Variants in TDRD9 observed in about 807,000 individuals in gnomAD.
TDRD9 encodes tudor domain containing 9, also known as ATP-dependent RNA helicase TDRD9.
TDRD9 carries 124 observed loss-of-function variants against 172.6 expected under a neutral mutation model. The ratio of observed to expected loss-of-function variants is 0.72; its 90% CI spans 0.62 to 0.83. TDRD9 has a LOEUF of 0.83. Among genes scored for constraint, TDRD9 ranks in the 40% least tolerant of loss-of-function variants. The probability of loss-of-function intolerance (pLI) is 0.00; values close to 1 mark genes in which losing one functional copy is unlikely to be tolerated. For synonymous variants in TDRD9, 619 were observed against 617.1 expected, an observed-to-expected ratio of 1.00 and a Z score of -0.05; for missense variants, 1,479 against 1,714.1, an observed-to-expected ratio of 0.86 and a Z score of 2.42.
At chr14:103,985,424 C>T (rs554336357) in intron 7 of TDRD9, among the ~76,000 whole-genome samples, 2 of 152,148 alleles carry the variant, frequency 1.3e-5, no homozygotes, top group African/African-American at 4.8e-5. Flanking sequence ...CTCTGTCTTC[C>T]ACCATGATTG....
chr14:103,992,640 A>G (rs147789261), intron 9 of TDRD9, among the ~76,000 whole-genome samples: 6 of 152,140 alleles, frequency 3.9e-5, no homozygotes, highest in Non-Finnish European at 7.4e-5. Flanking sequence ...AACACCTAAC[A>G]CGGACGGGCG....
rs375061730 is a variant in TDRD9 at position 104,021,699 on chromosome 14, A to G, written c.2433-458A>G. ...GACTCCATCTCAAAAAAATAAATAA[A>G]TAAATAAAAATAAATTTAATGCTTT... On this transcript the variant is annotated intron_variant, in intron 23 of 35. Coordinates refer to ENST00000409874, the MANE Select transcript of TDRD9 (RefSeq NM_153046.3). Among the ~76,000 whole-genome samples the G allele has an allele frequency of 5.3e-5, 8 of 152,094 alleles. No homozygotes were observed. The East Asian group carries it at 7.7e-4, about 15-fold the overall frequency.
chr14:104,021,256 A>G (rs1170330020), intron 23 of TDRD9, among the ~76,000 whole-genome samples: 1 of 152,180 alleles, frequency 6.6e-6, no homozygotes, highest in African/African-American at 2.4e-5. Flanking sequence ...AATCGCGCTC[A>G]CAATCCGGTC....
At position 104,033,916 on chromosome 14, in the gene TDRD9, T is replaced by A. The variant is rs1203268218; in HGVS notation, c.3510-44T>A. On this transcript the variant is annotated intron_variant, in intron 30 of 35. Coordinates refer to ENST00000409874, the MANE Select transcript of TDRD9 (RefSeq NM_153046.3). ...TGGGTTGGCATAGCACATTGCCTGGTTAGTGGATCAGTCACCCCATCTCCT... is the reference window on the plus strand; with the variant it reads ...TGGGTTGGCATAGCACATTGCCTGGATAGTGGATCAGTCACCCCATCTCCT... 1.3e-5 allele frequency: 16 copies of A among 1,278,004 alleles called. No homozygotes were observed. In the South Asian group the frequency reaches 1.9e-4, roughly 15 times the overall value. The allele number at this position is 1,278,004 out of a possible 1,614,324, so 79.2% of individuals were successfully genotyped here.
intron 1 of TDRD9, among the ~76,000 whole-genome samples, chr14:103,936,831 C>T (rs2030797489): frequency 1.3e-5 from 2 of 152,298 alleles, no homozygotes; most frequent in South Asian, 4.1e-4. Flanking sequence ...GTGGCTCATG[C>T]CTGTAATCCC....
intron 35 of TDRD9, among the ~76,000 whole-genome samples, chr14:104,050,888 A>G (rs1057264748): frequency 3.9e-5 from 6 of 152,248 alleles, no homozygotes; most frequent in Non-Finnish European, 7.3e-5. Context: ...CTGTAATGCA[A>G]TTACCATCCA....
chr14:104,007,926 C>T (rs1023666842), intron 19 of TDRD9, among the ~76,000 whole-genome samples: 8 of 151,970 alleles, frequency 5.3e-5, no homozygotes, highest in Admixed American at 2.0e-4. Context: ...CACAGGTGCC[C>T]GCCACCACAC....
intron 1 of TDRD9, among the ~76,000 whole-genome samples, chr14:103,929,448 A>C (rs966855361): frequency 6.6e-6 from 1 of 151,924 alleles, no homozygotes; most frequent in African/African-American, 2.4e-5. Context: ...AGCACTGATT[A>C]ATATTCCACT....
chr14:103,985,739 G>A (rs1344571617), intron 7 of TDRD9, among the ~76,000 whole-genome samples: 1 of 152,176 alleles, frequency 6.6e-6, no homozygotes, highest in African/African-American at 2.4e-5. Flanking sequence ...TGGTAGATAC[G>A]GATGTGACGT....
chr14:104,017,859 C>G (rs899762677), intron 22 of TDRD9, among the ~76,000 whole-genome samples: 2 of 152,290 alleles, frequency 1.3e-5, no homozygotes, highest in Admixed American at 6.5e-5. Context: ...ATTAGACTTA[C>G]ACCATTTTAA....
intron 2 of TDRD9, 104 bp from the exon 3 acceptor site, chr14:103,962,965 AGTGTGTGTGT>A (rs55873775): frequency 1.7e-5 from 7 of 404,650 alleles, no homozygotes; most frequent in South Asian, 5.4e-5. Flanking sequence ...TTTGTATTTG[AGTGTGTGTGT>A]GTGTGTGTGT....
chr14:103,996,511 A>G (rs1197082282), intron 12 of TDRD9, among the ~76,000 whole-genome samples: 2 of 152,194 alleles, frequency 1.3e-5, no homozygotes, highest in African/African-American at 4.8e-5. Context: ...TCAGATAGGA[A>G]TTACCTCTTT....
At chr14:103,995,886 GTTC>G (rs978318131) in intron 12 of TDRD9, 79 bp downstream of exon 12, 7 of 1,304,056 alleles carry the variant, frequency 5.4e-6, no homozygotes, top group Non-Finnish European at 7.4e-6. Flanking sequence ...CTCAGGAATT[GTTC>G]TTCTCTTCCT....
intron 5 of TDRD9, among the ~76,000 whole-genome samples, chr14:103,968,459 G>T (rs2152147806): frequency 6.6e-6 from 1 of 152,220 alleles, no homozygotes; most frequent in African/African-American, 2.4e-5. Flanking sequence ...AGTTTAAAAT[G>T]GAATAATGTT....
At chr14:104,022,128 T>A (rs1468026502) in intron 23 of TDRD9, 29 bp from the exon 24 acceptor site, 1 of 1,535,046 alleles carries the variant, frequency 6.5e-7, no homozygotes, top group Admixed American at 2.1e-5. Flanking sequence ...CCTGATAAAT[T>A]TATTTTTAAA....
chr14:103,998,772 A>T (rs759184163), intron 13 of TDRD9, 44 bp downstream of exon 13: 4 of 981,176 alleles, frequency 4.1e-6, no homozygotes, highest in Non-Finnish European at 4.8e-6. Context: ...CATTGGTGAC[A>T]CAGTGGCACA....
At chr14:103,960,917 G>A (rs4900604) in intron 2 of TDRD9, among the ~76,000 whole-genome samples, 51,551 of 152,076 alleles carry the variant, frequency 0.34, 8,937 homozygotes, top group Middle Eastern at 0.37. Context: ...CAAAACGAAC[G>A]TGGCTGCAGC....
chr14:104,047,101 A>G (rs1208036089), intron 34 of TDRD9, among the ~76,000 whole-genome samples: 1 of 152,166 alleles, frequency 6.6e-6, no homozygotes. Context: ...TGCCATCCTA[A>G]CAGTAGTGAG....
intron 25 of TDRD9, among the ~76,000 whole-genome samples, 174 bp downstream of exon 25, chr14:104,024,854 A>G (rs2035067675): frequency 6.6e-6 from 1 of 152,100 alleles, no homozygotes; most frequent in Non-Finnish European, 1.5e-5. Flanking sequence ...CTACTTGTTA[A>G]ATTGAAATAT....
Sources: gnomAD v4.1 joint callset for allele counts (sites outside exome capture counted in the v4.1 genomes callset) on GRCh38, gnomAD v4.1.1 for gene constraint, MANE v1.5 for transcripts, NCBI Gene and HGNC (gene_info 2026-07-23, HGNC 2026-07-21) for gene names.